PCDH11Y: variants seen among roughly 807,000 people sequenced by gnomAD.
PCDH11Y encodes protocadherin 11 Y-linked, also known as protocadherin-11 Y-linked.
For synonymous variants in PCDH11Y, 9 were observed against 83.6 expected, an observed-to-expected ratio of 0.11 and a Z score of 4.87; for missense variants, 12 against 224.8, an observed-to-expected ratio of 0.05 and a Z score of 6.05.
chrY:5,323,237 G>A, intron 2 of PCDH11Y, among the ~76,000 whole-genome samples: 1 of 11,300 alleles, frequency 8.8e-5, no homozygotes, highest in Non-Finnish European at 1.7e-4. Context: ...CACTCTTTTT[G>A]CCCAGGCTGG....
At chrY:5,463,913 G>T in intron 2 of PCDH11Y, among the ~76,000 whole-genome samples, 1 of 33,512 alleles carries the variant, frequency 3.0e-5, no homozygotes, top group Admixed American at 2.7e-4. Flanking sequence ...CTTTGTATTG[G>T]CTAATTTTGT....
At chrY:5,196,195 T>C in intron 2 of PCDH11Y, among the ~76,000 whole-genome samples, 1 of 33,856 alleles carries the variant, frequency 3.0e-5, no homozygotes, top group Non-Finnish European at 7.3e-5. Flanking sequence ...TTTTTGTCTG[T>C]GCTAACAACT....
At chrY:5,659,262 G>A in intron 4 of PCDH11Y, among the ~76,000 whole-genome samples, 2 of 31,823 alleles carry the variant, frequency 6.3e-5, no homozygotes, top group African/African-American at 2.5e-4. Flanking sequence ...AAGTCCTACC[G>A]TAACCACTAC....
chrY:5,022,619 C>CAA (rs1556394865), intron 1 of PCDH11Y, among the ~76,000 whole-genome samples: 1 of 9,891 alleles, frequency 1.0e-4, no homozygotes, highest in East Asian at 2.3e-3. Context: ...GACCCTGTCT[C>CAA]AAAAAAAAAA....
intron 2 of PCDH11Y, among the ~76,000 whole-genome samples, chrY:5,145,148 A>AT (rs1556398590): frequency 6.3e-5 from 2 of 31,787 alleles, no homozygotes; most frequent in Admixed American, 3.0e-4. Context: ...TTGATAGATC[A>AT]TTTTTTTTTA....
intron 4 of PCDH11Y, among the ~76,000 whole-genome samples, chrY:5,659,874 A>G: frequency 3.6e-5 from 1 of 27,817 alleles, no homozygotes; most frequent in Non-Finnish European, 8.3e-5. Flanking sequence ...CACCGCTGGG[A>G]ATATGGCAGG....
intron 2 of PCDH11Y, among the ~76,000 whole-genome samples, chrY:5,199,418 G>A: frequency 3.2e-5 from 1 of 31,129 alleles, no homozygotes; most frequent in Admixed American, 3.0e-4. Context: ...CTCCCAAGTC[G>A]CTGGGACTAC....
chrY:5,085,590 A>T, intron 1 of PCDH11Y, among the ~76,000 whole-genome samples: 1 of 32,879 alleles, frequency 3.0e-5, no homozygotes, highest in Admixed American at 2.8e-4. Flanking sequence ...TCTCGTGTTG[A>T]TGAAATCTCT....
At chrY:5,030,435 G>A (rs1602840692) in intron 1 of PCDH11Y, among the ~76,000 whole-genome samples, 2 of 33,463 alleles carry the variant, frequency 6.0e-5, no homozygotes, top group Non-Finnish European at 7.4e-5. Flanking sequence ...AAAGTTTATC[G>A]CAAATAACTT....
chrY:5,186,167 G>C, intron 2 of PCDH11Y, among the ~76,000 whole-genome samples: 2 of 33,148 alleles, frequency 6.0e-5, no homozygotes, highest in African/African-American at 2.4e-4. Flanking sequence ...AAGTAAAATT[G>C]TCTCTATTGG....
chrY:5,088,289 C>G, intron 1 of PCDH11Y, among the ~76,000 whole-genome samples: 1 of 32,283 alleles, frequency 3.1e-5, no homozygotes, highest in Non-Finnish European at 7.5e-5. Flanking sequence ...TTCTGACCAA[C>G]CACCCATAAT....
chrY:5,482,434 T>C, intron 2 of PCDH11Y, among the ~76,000 whole-genome samples: 1 of 33,986 alleles, frequency 2.9e-5, no homozygotes, highest in African/African-American at 1.1e-4. Flanking sequence ...GAAGCTCTGA[T>C]ATGTAGTGCA....
chrY:5,214,297 C>T, intron 2 of PCDH11Y, among the ~76,000 whole-genome samples: 1 of 33,216 alleles, frequency 3.0e-5, no homozygotes, highest in Non-Finnish European at 7.4e-5. Context: ...TTAGCATAGT[C>T]AATGTTCTGA....
At chrY:5,568,470 A>G in intron 3 of PCDH11Y, among the ~76,000 whole-genome samples, 1 of 32,078 alleles carries the variant, frequency 3.1e-5, no homozygotes, top group African/African-American at 1.2e-4. Flanking sequence ...TTGCTTCTGC[A>G]TGTACCTTTT....
At chrY:5,085,556 C>G in intron 1 of PCDH11Y, among the ~76,000 whole-genome samples, 1 of 33,295 alleles carries the variant, frequency 3.0e-5, no homozygotes, top group Non-Finnish European at 7.4e-5. Context: ...GAAGTACTCC[C>G]TTTAGCATTT....
At chrY:5,334,283 G>T in intron 2 of PCDH11Y, among the ~76,000 whole-genome samples, 4 of 33,957 alleles carry the variant, frequency 1.2e-4, no homozygotes, top group Non-Finnish European at 2.2e-4. Flanking sequence ...AAGGGCTATA[G>T]TTTCGTTTCA....
chrY:5,678,555 T>C (rs2053555537), intron 4 of PCDH11Y, among the ~76,000 whole-genome samples: 8 of 33,197 alleles, frequency 2.4e-4, no homozygotes, highest in African/African-American at 9.4e-4. Context: ...AAAATACAAA[T>C]AGAGCAAAGG....
At chrY:5,317,165 A>G in intron 2 of PCDH11Y, among the ~76,000 whole-genome samples, 2 of 32,789 alleles carry the variant, frequency 6.1e-5, no homozygotes, top group African/African-American at 1.2e-4. Flanking sequence ...GGATGACTCC[A>G]GGGGAGAGAG....
At chrY:5,251,094 G>T in intron 2 of PCDH11Y, among the ~76,000 whole-genome samples, 1 of 33,470 alleles carries the variant, frequency 3.0e-5, no homozygotes, top group African/African-American at 1.2e-4. Flanking sequence ...ATTCTTAAGA[G>T]AAAATGATAG....
Sources: allele counts gnomAD v4.1 joint callset (sites outside exome capture counted in the v4.1 genomes callset), GRCh38; gene constraint gnomAD v4.1.1; transcripts MANE v1.5; gene names NCBI Gene and HGNC (gene_info 2026-07-23, HGNC 2026-07-21).